The following NDRG2 variants were observed in gnomAD, a reference collection of about 807,000 sequenced individuals.
The protein encoded by NDRG2 is protein NDRG2.
Under a neutral mutation model 58.2 loss-of-function variants are expected in NDRG2, and 34 were observed. The observed-to-expected ratio is 0.58, with a 90% CI of 0.44 to 0.78. The LOEUF is 0.78. Ranked by LOEUF, NDRG2 falls within the 30% of genes least tolerant of loss-of-function variation. NDRG2 has a pLI of 0.00. For missense variants in NDRG2, 434 were observed against 471.2 expected, an observed-to-expected ratio of 0.92 and a Z score of 0.73; for synonymous variants, 187 against 175.9, an observed-to-expected ratio of 1.06 and a Z score of -0.50.
intron 1 of NDRG2, among the ~76,000 whole-genome samples, chr14:21,067,509 G>A (rs1383827129): frequency 2.0e-5 from 3 of 152,074 alleles, no homozygotes; most frequent in Non-Finnish European, 2.9e-5. Context: ...TTCACATCCT[G>A]GTTGCTCATT....
chr14:21,060,561 G>A (rs1307506710), intron 1 of NDRG2, among the ~76,000 whole-genome samples: 1 of 152,020 alleles, frequency 6.6e-6, no homozygotes, highest in Non-Finnish European at 1.5e-5. Context: ...TTACTTCCAT[G>A]GCTCCAACCA....
intron 1 of NDRG2, chr14:21,035,845 C>T (rs1214408608): frequency 2.2e-6 from 1 of 456,258 alleles, no homozygotes; most frequent in Non-Finnish European, 4.4e-6. Context: ...GACCCCTCCA[C>T]CTCCCCAATC....
chr14:21,064,769 C>T (rs963789994), intron 1 of NDRG2, among the ~76,000 whole-genome samples: 2 of 152,218 alleles, frequency 1.3e-5, no homozygotes, highest in Non-Finnish European at 2.9e-5. Context: ...AGTCCATAAG[C>T]GACTTTGGAA....
At chr14:21,020,896 GC>G in intron 6 of NDRG2, 52 bp from the exon 7 acceptor site, 1 of 1,581,500 alleles carries the variant, frequency 6.3e-7, no homozygotes, top group Non-Finnish European at 8.7e-7. Context: ...TCCAAAACCT[GC>G]CACAGCCCAT....
chr14:21,019,989 G>A lies in NDRG2; in HGVS notation c.556-13C>T, dbSNP rs777107593. On this transcript the variant is annotated splice_polypyrimidine_tract_variant and intron_variant, in intron 8 of 15. Coordinates refer to ENST00000556147, the MANE Select transcript of NDRG2 (RefSeq NM_001320329.2). ...TGAGGCCTGTTAGCTATGAGGAGAAGGCAGGTGAGAAAGTTCAGGGTATTG... is the reference window on the plus strand; with the variant it reads ...TGAGGCCTGTTAGCTATGAGGAGAAAGCAGGTGAGAAAGTTCAGGGTATTG... The A allele has an allele frequency of 1.9e-6, 3 of 1,612,850 alleles. No homozygotes were observed. Among genetic ancestry groups the A allele is most frequent in the East Asian group, 2.2e-5 (1 of 44,880 alleles).
At chr14:21,023,952 A>C (rs1998847) in intron 1 of NDRG2, 78 bp downstream of exon 1, 21 of 986,238 alleles carry the variant, frequency 2.1e-5, no homozygotes, top group Non-Finnish European at 2.5e-5. Flanking sequence ...CAAGTTCAAC[A>C]TTAGTGGGTG....
chr14:21,036,323 T>C (rs1884625514), intron 1 of NDRG2: 2 of 454,262 alleles, frequency 4.4e-6, no homozygotes, highest in Admixed American at 4.7e-5. Flanking sequence ...CAATAGCTTG[T>C]TTCTCATAGG....
intron 2 of NDRG2, 36 bp from the exon 3 acceptor site, chr14:21,022,941 T>A: frequency 1.2e-6 from 2 of 1,613,290 alleles, no homozygotes; most frequent in South Asian, 2.2e-5. Flanking sequence ...CAGAAACACA[T>A]GACCATGTGG....
chr14:21,058,489 T>C (rs1168194854), intron 1 of NDRG2: 8 of 662,248 alleles, frequency 1.2e-5, no homozygotes, highest in Non-Finnish European at 2.5e-6. Context: ...CCTCACATAC[T>C]CTTGGTTTCT....
chr14:21,059,836 C>T (rs1004117007), intron 1 of NDRG2, among the ~76,000 whole-genome samples: 4 of 152,178 alleles, frequency 2.6e-5, no homozygotes, highest in Non-Finnish European at 5.9e-5. Flanking sequence ...ATAAAAGTTT[C>T]TTAATGTTTC....
Position 21,022,654 on chromosome 14 carries a change from C to T in NDRG2, c.118-157G>A, listed in dbSNP as rs8009591. On this transcript the variant is annotated intron_variant, in intron 3 of 15. Coordinates refer to ENST00000556147, the MANE Select transcript of NDRG2 (RefSeq NM_001320329.2). Reference sequence around the variant, plus strand: ...GCAAGAATTGAGGAAAACATGATACCGGAAGATGAGTTTGAGGATAAGAAA... The same window carrying T: ...GCAAGAATTGAGGAAAACATGATACTGGAAGATGAGTTTGAGGATAAGAAA... 2.8e-3 allele frequency: 1,876 copies of T among 670,316 alleles called. 27 individuals carry two copies. In the African/African-American group the frequency reaches 0.03, roughly 11 times the overall value. The allele number at this position is 670,316 out of a possible 1,614,324, so 41.5% of individuals were successfully genotyped here.
At position 21,024,641 on chromosome 14, in the gene NDRG2, C is replaced by T. The variant is rs752482640; in HGVS notation, c.-618G>A. 124 of 985,316 alleles carry T rather than the reference C, an allele frequency of 1.3e-4. No homozygotes were observed. Among genetic ancestry groups the T allele is most frequent in the Non-Finnish European group, 1.5e-4 (122 of 829,960 alleles). The allele number at this position is 985,316 out of a possible 1,614,324, so 61.0% of individuals were successfully genotyped here. On this transcript the variant is annotated 5_prime_UTR_variant, in exon 1 of 16. Transcript: ENST00000556147. Reference sequence around the variant, plus strand: ...ACGAGTGGAGAAAGGGAGAGGAGAGCGGTCCCACAATCTTCTCCCGTTCTC... The same window carrying T: ...ACGAGTGGAGAAAGGGAGAGGAGAGTGGTCCCACAATCTTCTCCCGTTCTC...
At chr14:21,065,079 G>C (rs918199992) in intron 1 of NDRG2, among the ~76,000 whole-genome samples, 1 of 152,030 alleles carries the variant, frequency 6.6e-6, no homozygotes, top group Non-Finnish European at 1.5e-5. Flanking sequence ...GCTGAGGCAG[G>C]AGAATTGCTT....
chr14:21,030,802 T>C, upstream of NDRG2: 2 of 1,599,696 alleles, frequency 1.3e-6, no homozygotes, highest in Non-Finnish European at 8.5e-7. Context: ...ACCTGCGAGG[T>C]AGTTGGCCAC....
At chr14:21,031,966 T>C (rs765210175) in intron 1 of NDRG2, 1 of 1,614,072 alleles carries the variant, frequency 6.2e-7, no homozygotes, top group East Asian at 2.2e-5. Context: ...AGGAGCGCTT[T>C]GATGAGAGTG....
intron 1 of NDRG2, chr14:21,036,208 C>T (rs1594488592): frequency 2.2e-6 from 1 of 456,334 alleles, no homozygotes; most frequent in Non-Finnish European, 4.4e-6. Context: ...TCTCGTCTCG[C>T]CTGGACAGCA....
chr14:21,065,110 G>C (rs916142701), intron 1 of NDRG2, among the ~76,000 whole-genome samples: 3 of 151,936 alleles, frequency 2.0e-5, no homozygotes, highest in African/African-American at 7.3e-5. Context: ...GGCAGAGGTT[G>C]CAGTGAGTCG....
At chr14:21,052,164 G>A (rs1885496123) in intron 1 of NDRG2, among the ~76,000 whole-genome samples, 1 of 152,232 alleles carries the variant, frequency 6.6e-6, no homozygotes. Flanking sequence ...GAGAGGATCA[G>A]AGTGATGACT....
chr14:21,046,830 CATT>C (rs2139124279), intron 1 of NDRG2: 1 of 152,204 alleles, frequency 6.6e-6, no homozygotes, highest in East Asian at 1.9e-4. Flanking sequence ...AAAAAGGTGT[CATT>C]AAGAAAATCA....
Sources: allele counts gnomAD v4.1 joint callset (sites outside exome capture counted in the v4.1 genomes callset), GRCh38; gene constraint gnomAD v4.1.1; transcripts MANE v1.5; gene names NCBI Gene and HGNC (gene_info 2026-07-23, HGNC 2026-07-21).